SYN3: variants seen among roughly 807,000 people sequenced by gnomAD.
The protein encoded by SYN3 is synapsin III.
In SYN3, 35 loss-of-function variants were observed where a neutral mutation model predicts 65.8. That is an observed-to-expected ratio of 0.53 (90% CI 0.41 to 0.70). SYN3 has a LOEUF of 0.70. SYN3 is among the 30% of genes least tolerant of loss of function. SYN3 has a pLI of 0.00. For missense variants in SYN3, 680 were observed against 749.0 expected (o/e 0.91, Z 1.08); for synonymous variants, 270 against 292.9 (o/e 0.92, Z 0.80).
intron 6 of SYN3, among the ~76,000 whole-genome samples, chr22:32,659,916 T>G (rs1401626816): frequency 6.6e-6 from 1 of 152,214 alleles, no homozygotes; most frequent in Middle Eastern, 3.2e-3. Flanking sequence ...AGGCAATACC[T>G]AAACTGTCCT....
chr22:32,806,167 C>T (rs935265529), intron 6 of SYN3, among the ~76,000 whole-genome samples: 2 of 151,968 alleles, frequency 1.3e-5, no homozygotes, highest in African/African-American at 4.8e-5. Context: ...GGGAGGTACC[C>T]GGTCTGCCAG....
rs1238893460 is a variant in SYN3, at chr22:32,510,140, G to C, written c.*3552C>G. 6.6e-6 allele frequency among the ~76,000 whole-genome samples: 1 copy of C among 152,202 alleles called. No individual in the cohort carries two copies. Among genetic ancestry groups the C allele is most frequent in the Non-Finnish European group, 1.5e-5 (1 of 68,034 alleles). ...GGGCCACTAGTTTCACTCACTAAAGGAGTGGGTTCGTAGCTGCGTTGGAGA... is the reference window on the plus strand; with the variant it reads ...GGGCCACTAGTTTCACTCACTAAAGCAGTGGGTTCGTAGCTGCGTTGGAGA... On this transcript the variant is annotated 3_prime_UTR_variant, in exon 14 of 14. Coordinates refer to ENST00000358763, the MANE Select transcript of SYN3 (RefSeq NM_003490.4).
chr22:32,801,883 A>G lies in SYN3; in HGVS notation c.711+63032T>C. 1 of 1,306,702 alleles carries G rather than the reference A, an allele frequency of 7.7e-7. No individual in the cohort carries two copies. Among genetic ancestry groups the G allele is most frequent in the Admixed American group, 4.0e-5 (1 of 25,072 alleles). The allele number at this position is 1,306,702 out of a possible 1,614,324, so 80.9% of individuals were successfully genotyped here. ...TCGGAGGGCAGCGCGCCGGAGGCCA[A>G]GGTTGCCCCGCACGGCCCGGCGGGC... On this transcript the variant is annotated intron_variant, in intron 6 of 13. Transcript: ENST00000358763. This position sits in a 1 kb window ranked among gnomAD's most constrained non-coding sequence, Gnocchi z 4.7.
In SYN3 at chr22:32,510,158, G is replaced by A. The variant is rs1402583809; in HGVS notation, c.*3534C>T. Reference sequence around the variant, plus strand: ...ACTAAAGGAGTGGGTTCGTAGCTGCGTTGGAGACTGCAGCACACCCGTAGC... The same window carrying A: ...ACTAAAGGAGTGGGTTCGTAGCTGCATTGGAGACTGCAGCACACCCGTAGC... On this transcript the variant is annotated 3_prime_UTR_variant, in exon 14 of 14. Coordinates refer to ENST00000358763, the MANE Select transcript of SYN3 (RefSeq NM_003490.4). Among the ~76,000 whole-genome samples, 2 of 152,188 alleles carry A rather than the reference G, an allele frequency of 1.3e-5. No individual in the cohort carries two copies. The highest frequency in any genetic ancestry group is 2.9e-5 in the Non-Finnish European group (2 of 68,032).
At chr22:32,856,599 T>C (rs1341307561) in intron 6 of SYN3, among the ~76,000 whole-genome samples, 1 of 152,254 alleles carries the variant, frequency 6.6e-6, no homozygotes, top group Non-Finnish European at 1.5e-5. Flanking sequence ...CAAAAATGTA[T>C]AGTAATCAAA....
intron 2 of SYN3, among the ~76,000 whole-genome samples, chr22:32,981,567 A>G (rs947643119): frequency 1.3e-5 from 2 of 151,942 alleles, no homozygotes; most frequent in Admixed American, 6.5e-5. Flanking sequence ...CTGAGCAACA[A>G]GAGCGAAACT....
intron 1 of SYN3, among the ~76,000 whole-genome samples, chr22:33,055,636 T>C (rs2145989876): frequency 6.6e-6 from 1 of 152,258 alleles, no homozygotes; most frequent in South Asian, 2.1e-4. Context: ...GTAAATAAAA[T>C]AGATAAATGA....
intron 6 of SYN3, among the ~76,000 whole-genome samples, chr22:32,615,631 G>C (rs1281328359): frequency 1.3e-5 from 2 of 152,030 alleles, no homozygotes. Flanking sequence ...GGCTTTGAGG[G>C]ATAGCACGCT....
intron 1 of SYN3, among the ~76,000 whole-genome samples, chr22:33,050,763 G>C (rs182017180): frequency 1.8e-4 from 27 of 152,286 alleles, no homozygotes; most frequent in African/African-American, 6.3e-4. Context: ...TGCCTGCACA[G>C]CTCTAAATAC....
At position 32,513,838 on chromosome 22, in the gene SYN3, G is replaced by A. The variant is rs375381086; in HGVS notation, c.1611-14C>T. 9.3e-6 allele frequency: 15 copies of A among 1,613,924 alleles called. No individual in the cohort carries two copies. The highest frequency in any genetic ancestry group is 1.3e-5 in the Non-Finnish European group (15 of 1,179,968). ...GACTGAGATTTGCTGAAACAGAAAG[G>A]CAAGGGGGTTGAGGAAGACAAGGCG... On this transcript the variant is annotated splice_polypyrimidine_tract_variant and intron_variant, in intron 13 of 13. Coordinates refer to ENST00000358763, the MANE Select transcript of SYN3 (RefSeq NM_003490.4).
At chr22:32,962,572 T>A (rs989144150) in intron 3 of SYN3, among the ~76,000 whole-genome samples, 3 of 152,152 alleles carry the variant, frequency 2.0e-5, no homozygotes, top group Non-Finnish European at 4.4e-5. Context: ...GGCGGCGAGT[T>A]AGCTGTGGGA....
intron 3 of SYN3, among the ~76,000 whole-genome samples, chr22:32,971,923 G>C (rs745578058): frequency 1.3e-5 from 2 of 152,196 alleles, no homozygotes; most frequent in Admixed American, 6.5e-5. Context: ...AACTCTGCAA[G>C]AAGCTCTGAA....
At chr22:32,543,252 C>G (rs555409426) in intron 7 of SYN3, among the ~76,000 whole-genome samples, 4 of 152,294 alleles carry the variant, frequency 2.6e-5, no homozygotes, top group African/African-American at 9.6e-5. Flanking sequence ...GCAGGCTGGG[C>G]ACTGTCGTGG....
At chr22:32,685,368 G>A (rs941642373) in intron 6 of SYN3, among the ~76,000 whole-genome samples, 1 of 152,288 alleles carries the variant, frequency 6.6e-6, no homozygotes, top group Non-Finnish European at 1.5e-5. Context: ...ACAACACTTC[G>A]AAAGCCTCAG....
chr22:32,700,785 T>C (rs2060801139), intron 6 of SYN3, among the ~76,000 whole-genome samples: 1 of 152,196 alleles, frequency 6.6e-6, no homozygotes, highest in Admixed American at 6.5e-5. Context: ...GATTTCTGTA[T>C]TGAACTTCAG....
chr22:32,819,324 A>G (rs969724081), intron 6 of SYN3, among the ~76,000 whole-genome samples: 2 of 152,204 alleles, frequency 1.3e-5, no homozygotes, highest in Non-Finnish European at 2.9e-5. Flanking sequence ...CACAAAGAGG[A>G]CACGATGCCT....
intron 6 of SYN3, among the ~76,000 whole-genome samples, chr22:32,710,250 T>C (rs1038523909): frequency 1.3e-5 from 2 of 151,124 alleles, no homozygotes; most frequent in Non-Finnish European, 3.0e-5. Flanking sequence ...TGGGAGGTGA[T>C]TGGATCATGG....
At chr22:32,763,603 C>T (rs1432834127) in intron 6 of SYN3, among the ~76,000 whole-genome samples, 1 of 152,226 alleles carries the variant, frequency 6.6e-6, no homozygotes, top group Non-Finnish European at 1.5e-5. Flanking sequence ...TCCAGACAGT[C>T]TGCATGCTGG....
chr22:32,665,208 G>T (rs1399616527), intron 6 of SYN3, among the ~76,000 whole-genome samples: 2 of 151,868 alleles, frequency 1.3e-5, no homozygotes, highest in Non-Finnish European at 2.9e-5. Flanking sequence ...ATGTTGGCCA[G>T]GCTGGTCTTG....
Sources: gnomAD v4.1 joint callset for allele counts (sites outside exome capture counted in the v4.1 genomes callset) on GRCh38, gnomAD v4.1.1 for gene constraint, Gnocchi (gnomAD v3.1) non-coding constraint, MANE v1.5 for transcripts, NCBI Gene and HGNC (gene_info 2026-07-23, HGNC 2026-07-21) for gene names.